Variants in SNAPC5 observed in about 807,000 individuals in gnomAD.
SNAPC5 encodes the protein snRNA-activating protein complex subunit 5.
Under a neutral mutation model 9.1 loss-of-function variants are expected in SNAPC5, and 12 were observed. That is an observed-to-expected ratio of 1.32 (90% CI 0.85 to 2.15). The LOEUF is 2.15. Among genes scored for constraint, SNAPC5 ranks in the 30% most tolerant of loss-of-function variants. The pLI is 0.00. For missense variants in SNAPC5, 132 were observed against 114.4 expected (o/e 1.15, Z -0.70); for synonymous variants, 52 against 47.3 (o/e 1.10, Z -0.41).
Position 66,494,479 on chromosome 15 carries a change from G to A in SNAPC5, c.254C>T (p.Thr85Met), listed in dbSNP as rs144538572. 4.0e-5 allele frequency: 64 copies of A among 1,613,140 alleles called. No homozygotes were observed. Among genetic ancestry groups the A allele is most frequent in the Middle Eastern group, 1.6e-4 (1 of 6,080 alleles). Residue 85 changes from threonine (T) to methionine (M), a missense_variant, in exon 3 of 3, where the codon ACG becomes ATG. Thr to Met is a moderately conservative substitution (Grantham distance 81). Transcript: ENST00000316634. Reference sequence around the variant, plus strand: ...TTCCTCTTCCTCCTCCTCCTCTTCCGTCACATGACTCTTTGTGCTCAGCTC... The same window carrying A: ...TTCCTCTTCCTCCTCCTCCTCTTCCATCACATGACTCTTTGTGCTCAGCTC... ...TLELSTKSHV[T>M]EEEEEEEEEE...
rs1893347686 is a variant in SNAPC5, at chr15:66,494,187, GATTAC to G, written c.*244_*248del. The G allele has an allele frequency of 3.7e-6, 1 of 272,192 alleles. No individual in the cohort carries two copies. Among genetic ancestry groups the G allele is most frequent in the Non-Finnish European group, 6.3e-6 (1 of 157,636 alleles). 16.9% of individuals were successfully genotyped at this position (272,192 alleles called of 1,614,324 possible). On this transcript the variant is annotated 3_prime_UTR_variant, in exon 3 of 3. Transcript: ENST00000316634. ...CTGAACAGTTAACTGAATCTGACCA[GATTAC>G]AGACAGCACCACCCATATTACTCAA...
chr15:66,495,530 CTA>C, intron 1 of SNAPC5, 111 bp from the exon 2 acceptor site: 1 of 695,284 alleles, frequency 1.4e-6, no homozygotes, highest in Admixed American at 2.0e-5. Context: ...GGAATGAAAA[CTA>C]TCTCTGTGTT....
At chr15:66,494,642 A>G (rs1893368345) in intron 2 of SNAPC5, 90 bp from the exon 3 acceptor site, 1 of 881,546 alleles carries the variant, frequency 1.1e-6, no homozygotes. Flanking sequence ...TCAGATCTCA[A>G]TTGCATATCT....
intron 2 of SNAPC5, chr15:66,495,008 C>A (rs1893378681): frequency 2.6e-6 from 1 of 380,398 alleles, no homozygotes; most frequent in African/African-American, 2.0e-5. Context: ...GTTACTTATT[C>A]ACAAAAAATC....
chr15:66,495,549 G>C (rs1208393655), intron 1 of SNAPC5, 130 bp from the exon 2 acceptor site: 1 of 641,244 alleles, frequency 1.6e-6, no homozygotes, highest in Non-Finnish European at 2.8e-6. Flanking sequence ...TGTTGCTCTA[G>C]AGGGAAAGTT....
downstream of SNAPC5, chr15:66,491,110 C>T (rs1349280573): frequency 6.5e-6 from 2 of 306,740 alleles, no homozygotes; most frequent in Non-Finnish European, 1.2e-5. Context: ...AGAGAGTGTA[C>T]ATCATGTTAT....
rs1476968979 is a variant in SNAPC5, at chr15:66,493,717, T to G, written c.*719A>C. ...TCTTCCAAGCATGGCACATCTCTCT[T>G]AAGGACCAGAAATGGATTTCAAACC... is the stretch of plus-strand genomic sequence containing the variant. On this transcript the variant is annotated 3_prime_UTR_variant, in exon 3 of 3. Coordinates refer to ENST00000316634, the MANE Select transcript of SNAPC5 (RefSeq NM_001329615.2). The G allele has an allele frequency of 6.6e-6, 1 of 152,188 alleles. No individual in the cohort carries two copies. Among genetic ancestry groups the G allele is most frequent in the African/African-American group, 2.4e-5 (1 of 41,434 alleles). The allele number at this position is 152,188 out of a possible 1,614,324, so 9.4% of individuals were successfully genotyped here.
chr15:66,496,711 C>G (rs934002502), intron 1 of SNAPC5, among the ~76,000 whole-genome samples: 4 of 151,916 alleles, frequency 2.6e-5, no homozygotes, highest in Admixed American at 6.6e-5. Flanking sequence ...TTTTGTAAGG[C>G]CGGCCGCAGT....
intron 1 of SNAPC5, chr15:66,497,152 C>T (rs951645612): frequency 5.0e-6 from 1 of 199,518 alleles, no homozygotes; most frequent in Non-Finnish European, 1.0e-5. Context: ...TAGGACAAGT[C>T]TCTTCTCCCA....
At chr15:66,490,795 A>G (rs922999751), downstream of SNAPC5, 1 of 685,128 alleles carries the variant, frequency 1.5e-6, no homozygotes, top group Non-Finnish European at 2.7e-6. Context: ...CTTTATTCTT[A>G]TTACTATTAT....
chr15:66,489,981 G>C (rs1166634387), downstream of SNAPC5: 1 of 617,816 alleles, frequency 1.6e-6, no homozygotes, highest in African/African-American at 1.8e-5. Context: ...GCATATGCCA[G>C]AGGAAATGCC....
downstream of SNAPC5, chr15:66,490,301 CA>C: frequency 2.9e-6 from 2 of 690,992 alleles, no homozygotes; most frequent in Non-Finnish European, 5.3e-6. Flanking sequence ...GTGACTTGCC[CA>C]AGGCCTCACA....
downstream of SNAPC5, chr15:66,492,446 T>G (rs1893286062): frequency 6.5e-6 from 1 of 154,020 alleles, no homozygotes; most frequent in Non-Finnish European, 1.4e-5. Context: ...CTTTTTTTTC[T>G]CTCACTGTGA....
intron 1 of SNAPC5, chr15:66,497,391 AAC>A: frequency 1.7e-6 from 1 of 594,096 alleles, no homozygotes; most frequent in East Asian, 2.8e-5. Flanking sequence ...GCACTTGCCA[AAC>A]ACAGATCCCT....
downstream of SNAPC5, chr15:66,490,274 C>T (rs377758416): frequency 3.9e-5 from 26 of 668,382 alleles, no homozygotes; most frequent in East Asian, 1.4e-4. Flanking sequence ...CCATACTGCA[C>T]GAGTAGGCTC....
chr15:66,496,422 G>A (rs920249235), intron 1 of SNAPC5, among the ~76,000 whole-genome samples: 21 of 152,022 alleles, frequency 1.4e-4, no homozygotes, highest in African/African-American at 1.5e-4. Flanking sequence ...CCAAGATTGC[G>A]CCACCGCACT....
chr15:66,489,908 C>T (rs919052153), downstream of SNAPC5: 36 of 779,618 alleles, frequency 4.6e-5, no homozygotes, highest in Non-Finnish European at 9.1e-6. Context: ...TACCAAACAC[C>T]AGTCTCCTTT....
chr15:66,497,736 C>T lies in SNAPC5; in HGVS notation c.-5G>A, dbSNP rs1893493075. ...TTCCTGAAGCCGGCTCAGCATGTTG[C>T]CTGGTCACATAGCCAACCTCCGGGC... On this transcript the variant is annotated 5_prime_UTR_variant, in exon 1 of 3. Coordinates refer to ENST00000316634, the MANE Select transcript of SNAPC5 (RefSeq NM_001329615.2). 6.2e-7 allele frequency: 1 copy of T among 1,608,644 alleles called. No individual in the cohort carries two copies. The highest frequency in any genetic ancestry group is 1.1e-5 in the South Asian group (1 of 90,892).
rs1893389742 is a variant in SNAPC5 at position 66,495,356 on chromosome 15, G to A, written c.154C>T (p.His52Tyr). 2 of 1,603,932 alleles carry A rather than the reference G, an allele frequency of 1.2e-6. No individual in the cohort carries two copies. The highest frequency in any genetic ancestry group is 8.5e-7 in the Non-Finnish European group (1 of 1,170,614). The change falls in exon 2 of 3, where the codon CAC becomes TAC. Residue 52 changes from histidine to tyrosine, a missense_variant. Physicochemically the swap from His to Tyr is moderately conservative, Grantham distance 83. Coordinates refer to ENST00000316634, the MANE Select transcript of SNAPC5 (RefSeq NM_001329615.2). Reference sequence around the variant, plus strand: ...TCATGTGACTGTTCAGGTACAGTGTGAGAAGACAGCATCTCATCCCCTCTT... The same window carrying A: ...TCATGTGACTGTTCAGGTACAGTGTAAGAAGACAGCATCTCATCCCCTCTT... ...SRRGDEMLSSHTVPEQSHDML... is the reference protein window; with the variant it reads ...SRRGDEMLSSYTVPEQSHDML...
Sources: gnomAD v4.1 joint callset for allele counts (sites outside exome capture counted in the v4.1 genomes callset) on GRCh38, gnomAD v4.1.1 for gene constraint, MANE v1.5 for transcripts, NCBI Gene and HGNC (gene_info 2026-07-23, HGNC 2026-07-21) for gene names.